Variants in RALYL observed in about 807,000 individuals in gnomAD.
RALYL encodes the protein RNA-binding Raly-like protein.
In RALYL, 29 loss-of-function variants were observed where a neutral mutation model predicts 35.1. The observed-to-expected ratio is 0.83, with a 90% confidence interval of 0.61 to 1.13. The LOEUF (loss-of-function observed/expected upper bound fraction) is 1.13. Among genes scored for constraint, RALYL ranks in the 50% most tolerant of loss-of-function variants. The pLI, the probability that RALYL is intolerant of heterozygous loss-of-function variation, is 0.00. For missense variants in RALYL, 359 were observed against 360.4 expected, an observed-to-expected ratio of 1.00 and a Z score of 0.03; for synonymous variants, 120 against 127.6, an observed-to-expected ratio of 0.94 and a Z score of 0.40.
intron 4 of RALYL, among the ~76,000 whole-genome samples, chr8:84,842,552 A>G (rs962807815): frequency 6.6e-6 from 1 of 152,094 alleles, no homozygotes; most frequent in Non-Finnish European, 1.5e-5. Context: ...AGGAGGAGCT[A>G]GTACCATTCC....
intron 2 of RALYL, among the ~76,000 whole-genome samples, chr8:84,578,049 C>T (rs1026935025): frequency 1.3e-5 from 2 of 152,212 alleles, no homozygotes; most frequent in African/African-American, 2.4e-5. Context: ...CTGGCAAGTG[C>T]ACTCATCTCA....
chr8:84,216,055 TATC>T (rs1820737402), intron 1 of RALYL, among the ~76,000 whole-genome samples: 1 of 152,146 alleles, frequency 6.6e-6, no homozygotes, highest in African/African-American at 2.4e-5. Flanking sequence ...ATTTTGCACT[TATC>T]ATATATTAAG....
intron 1 of RALYL, among the ~76,000 whole-genome samples, chr8:84,351,988 A>G (rs1303564238): frequency 1.3e-5 from 2 of 150,280 alleles, no homozygotes; most frequent in Non-Finnish European, 3.0e-5. Context: ...GAATTTTTAG[A>G]TGGAAATATA....
intron 2 of RALYL, among the ~76,000 whole-genome samples, chr8:84,564,257 T>C (rs2061641481): frequency 6.6e-6 from 1 of 151,730 alleles, no homozygotes; most frequent in African/African-American, 2.4e-5. Context: ...ATAGAAGTCT[T>C]AGAAAGCAAA....
chr8:84,219,445 C>T (rs916858988), intron 1 of RALYL, among the ~76,000 whole-genome samples: 11 of 152,020 alleles, frequency 7.2e-5, no homozygotes, highest in African/African-American at 2.7e-4. Flanking sequence ...GTTACCCAGT[C>T]TTGAGCAGTT....
At chr8:84,568,082 G>C (rs1201465501) in intron 2 of RALYL, among the ~76,000 whole-genome samples, 1 of 151,284 alleles carries the variant, frequency 6.6e-6, no homozygotes, top group Non-Finnish European at 1.5e-5. Context: ...AGGTTATAGG[G>C]TACATGTGCA....
Position 84,290,498 on chromosome 8 carries a change from T to TG in RALYL, c.-24+106080dup, listed in dbSNP as rs992059986. Among the ~76,000 whole-genome samples, 38 of 127,766 alleles carry TG rather than the reference T, an allele frequency of 3.0e-4. No individual in the cohort carries two copies. In the South Asian group the frequency reaches 6.0e-3, roughly 20 times the overall value. The allele number at this position is 127,766 out of a possible 152,430, so 83.8% of individuals were successfully genotyped here. A position where few individuals can be genotyped will look rare whatever the true frequency, so the allele number is the denominator to read the frequency against. ...GGGTTTGTTCTCTGGCGGGCAGGAGTGGGGGGTCACAAGGTGCTCAGTGGG... is the reference window on the plus strand; with the variant it reads ...GGGTTTGTTCTCTGGCGGGCAGGAGTGGGGGGGTCACAAGGTGCTCAGTGGG... On this transcript the variant is annotated intron_variant, in intron 1 of 8. Transcript: ENST00000521268.
intron 4 of RALYL, among the ~76,000 whole-genome samples, chr8:84,838,089 A>G (rs1305769417): frequency 6.6e-6 from 1 of 151,898 alleles, no homozygotes; most frequent in Non-Finnish European, 1.5e-5. Context: ...TCACAGTACC[A>G]CTCTCAGTTT....
intron 2 of RALYL, among the ~76,000 whole-genome samples, chr8:84,600,061 C>T (rs1001524644): frequency 2.0e-5 from 3 of 152,010 alleles, no homozygotes; most frequent in African/African-American, 7.2e-5. Context: ...ATCCTAAGCA[C>T]ATACACTTAT....
chr8:84,873,366 G>A lies in RALYL; in HGVS notation c.654G>A (p.Glu218=). 6.3e-7 allele frequency: 1 copy of A among 1,599,652 alleles called. No individual in the cohort carries two copies. Among genetic ancestry groups the A allele is most frequent in the Non-Finnish European group, 8.5e-7 (1 of 1,172,706 alleles). ...TTGACTCCTTGCTAGGGCGCCTGGA[G>A]AAGATTGAGAAACAGCAGAAGGCGG... is the stretch of plus-strand genomic sequence containing the variant. The part of the protein sequence containing the change: ...TKIDSLLGRL[E]KIEKQQKAEA... Residue 218 remains glutamate, a synonymous_variant, in exon 7 of 9, where the codon GAG becomes GAA. Coordinates refer to ENST00000521268, the MANE Select transcript of RALYL (RefSeq NM_173848.7).
intron 2 of RALYL, among the ~76,000 whole-genome samples, chr8:84,712,828 T>C (rs1208615634): frequency 6.6e-6 from 1 of 152,100 alleles, no homozygotes; most frequent in Non-Finnish European, 1.5e-5. Flanking sequence ...CTTAGGAAAA[T>C]AAGATTGGTG....
At chr8:84,745,303 T>G (rs1212890306) in intron 2 of RALYL, among the ~76,000 whole-genome samples, 1 of 152,078 alleles carries the variant, frequency 6.6e-6, no homozygotes, top group Non-Finnish European at 1.5e-5. Context: ...TATATAGTTT[T>G]TAATGGTTTA....
At chr8:84,516,070 T>C (rs980347228) in intron 1 of RALYL, among the ~76,000 whole-genome samples, 1 of 151,944 alleles carries the variant, frequency 6.6e-6, no homozygotes, top group Non-Finnish European at 1.5e-5. Flanking sequence ...GGTGGGGATA[T>C]AGTTAATTCA....
intron 1 of RALYL, among the ~76,000 whole-genome samples, chr8:84,505,304 T>C (rs1464886232): frequency 6.6e-6 from 1 of 152,216 alleles, no homozygotes. Context: ...TACCTTCTTA[T>C]ACATGCTCCT....
chr8:84,467,250 G>T (rs545040075), intron 1 of RALYL, among the ~76,000 whole-genome samples: 71 of 151,856 alleles, frequency 4.7e-4, no homozygotes, highest in African/African-American at 1.6e-3. Context: ...GTCAGTTTTG[G>T]ATCTTTCCTG....
At chr8:84,727,520 G>A (rs1845202464) in intron 2 of RALYL, among the ~76,000 whole-genome samples, 2 of 151,570 alleles carry the variant, frequency 1.3e-5, no homozygotes, top group African/African-American at 4.9e-5. Flanking sequence ...TGTGCACAAT[G>A]TGCAGGTTAG....
chr8:84,815,686 A>C (rs1367475909), intron 4 of RALYL, among the ~76,000 whole-genome samples: 5 of 152,028 alleles, frequency 3.3e-5, no homozygotes, highest in Admixed American at 2.6e-4. Context: ...GCTGCATCAG[A>C]TATACTCTGA....
intron 2 of RALYL, among the ~76,000 whole-genome samples, chr8:84,673,121 A>C (rs201430149): frequency 6.6e-6 from 1 of 152,140 alleles, no homozygotes; most frequent in Non-Finnish European, 1.5e-5. Flanking sequence ...TTTAATGATC[A>C]GTGATGTTAA....
intron 1 of RALYL, among the ~76,000 whole-genome samples, chr8:84,301,518 C>T (rs745908927): frequency 7.9e-5 from 12 of 151,982 alleles, no homozygotes; most frequent in Non-Finnish European, 1.2e-4. Context: ...TTACTTTTAA[C>T]GATAGTGCGA....
Sources: allele counts gnomAD v4.1 joint callset (sites outside exome capture counted in the v4.1 genomes callset), GRCh38; gene constraint gnomAD v4.1.1; transcripts MANE v1.5; gene names NCBI Gene and HGNC (gene_info 2026-07-23, HGNC 2026-07-21).